Variants in INVS observed in about 807,000 individuals in gnomAD.
The protein encoded by INVS is inversion of embryo turning homolog.
Under a neutral mutation model 108.8 loss-of-function variants are expected in INVS, and 86 were observed. The observed-to-expected ratio is 0.79, with a 90% confidence interval of 0.66 to 0.95. The LOEUF (loss-of-function observed/expected upper bound fraction) is 0.95, where lower values mean the gene tolerates loss of function less well. INVS is among the 40% of genes least tolerant of loss of function. The pLI is 0.00. For synonymous variants in INVS, 455 were observed against 473.5 expected (o/e 0.96, Z 0.51); for missense variants, 1,169 against 1,297.4 (o/e 0.90, Z 1.52).
chr9:100,272,293 C>G (rs1010170309), intron 11 of INVS, among the ~76,000 whole-genome samples: 1 of 152,120 alleles, frequency 6.6e-6, no homozygotes, highest in African/African-American at 2.4e-5. Context: ...TTTGCTCTAT[C>G]CAGAATTTAT....
chr9:100,282,785 C>A (rs933082674), intron 12 of INVS, among the ~76,000 whole-genome samples: 21 of 151,762 alleles, frequency 1.4e-4, no homozygotes, highest in African/African-American at 5.1e-4. Context: ...AATCACATTT[C>A]ATATTGTATG....
chr9:100,142,971 G>C (rs533966574), intron 3 of INVS, among the ~76,000 whole-genome samples: 1 of 152,152 alleles, frequency 6.6e-6, no homozygotes, highest in Non-Finnish European at 1.5e-5. Flanking sequence ...GGGAGAGCAC[G>C]TGTGTTTTTA....
At chr9:100,242,749 A>G (rs993120870) in intron 7 of INVS, 70 bp downstream of exon 7, 14 of 899,732 alleles carry the variant, frequency 1.6e-5, no homozygotes, top group Admixed American at 3.4e-5. Context: ...GTAGATTCAT[A>G]TGTAGTTGTA....
Position 100,302,002 on chromosome 9 carries a change from TC to T in INVS, c.*1330del. 2.2e-6 allele frequency: 1 copy of T among 462,768 alleles called. No individual in the cohort carries two copies. The highest frequency in any genetic ancestry group is 3.1e-5 in the East Asian group (1 of 31,830). 28.7% of individuals were successfully genotyped at this position (462,768 alleles called of 1,614,324 possible). A position where few individuals can be genotyped will look rare whatever the true frequency, so the allele number is the denominator to read the frequency against. ...CCTATGACCATGTATCGTGTGCTAG[TC>T]CGGGAAGCCAGCCTACACATCAATA... On this transcript the variant is annotated 3_prime_UTR_variant, in exon 17 of 17. Coordinates refer to ENST00000262457, the MANE Select transcript of INVS (RefSeq NM_014425.5).
At chr9:100,297,183 A>G (rs370441817) in intron 15 of INVS, 37 bp downstream of exon 15, 47 of 1,510,198 alleles carry the variant, frequency 3.1e-5, no homozygotes, top group Non-Finnish European at 4.0e-5. Context: ...GTTCACAAGT[A>G]CCCCCAGAGT....
At chr9:100,178,588 G>GA (rs1049104921) in intron 3 of INVS, among the ~76,000 whole-genome samples, 1 of 152,024 alleles carries the variant, frequency 6.6e-6, no homozygotes, top group African/African-American at 2.4e-5. Flanking sequence ...CAAGATTAGA[G>GA]AAAAAAAGAA....
chr9:100,265,132 A>G (rs1832750488), intron 11 of INVS, among the ~76,000 whole-genome samples: 1 of 151,934 alleles, frequency 6.6e-6, no homozygotes, highest in Non-Finnish European at 1.5e-5. Flanking sequence ...TTTAGTAGAG[A>G]TGGGGTTTCA....
At chr9:100,278,836 C>T (rs141395276) in intron 12 of INVS, among the ~76,000 whole-genome samples, 12 of 152,306 alleles carry the variant, frequency 7.9e-5, no homozygotes, top group Non-Finnish European at 1.6e-4. Context: ...CTTACATATT[C>T]ATTTTGTTTT....
At chr9:100,205,054 GA>G (rs941580652) in intron 3 of INVS, among the ~76,000 whole-genome samples, 2 of 151,692 alleles carry the variant, frequency 1.3e-5, no homozygotes, top group Admixed American at 6.6e-5. Flanking sequence ...GATGTGGGGT[GA>G]AAAAAAAGTC....
chr9:100,250,460 G>A (rs1832194327), intron 8 of INVS, among the ~76,000 whole-genome samples: 1 of 152,204 alleles, frequency 6.6e-6, no homozygotes, highest in Admixed American at 6.5e-5. Flanking sequence ...ACTCACGCCT[G>A]TCTGAATCTT....
intron 3 of INVS, among the ~76,000 whole-genome samples, chr9:100,149,052 A>G (rs1277417019): frequency 6.7e-6 from 1 of 149,452 alleles, no homozygotes; most frequent in African/African-American, 2.4e-5. Context: ...ACTGTAGCAA[A>G]AAAAAAAAAA....
chr9:100,300,489 TTCC>T (rs1157036143), intron 16 of INVS, 76 bp from the exon 17 acceptor site: 2 of 1,000,796 alleles, frequency 2.0e-6, no homozygotes, highest in African/African-American at 1.6e-5. Context: ...GAAATCCTTC[TTCC>T]TCAACACCAA....
At chr9:100,280,186 G>T (rs893804580) in intron 12 of INVS, among the ~76,000 whole-genome samples, 2 of 152,100 alleles carry the variant, frequency 1.3e-5, no homozygotes, top group Non-Finnish European at 2.9e-5. Context: ...GGCTTTGGGG[G>T]AATATCTCTG....
chr9:100,251,750 T>C (rs1253209409), intron 8 of INVS, among the ~76,000 whole-genome samples: 2 of 152,154 alleles, frequency 1.3e-5, no homozygotes, highest in Admixed American at 1.3e-4. Context: ...GTATTAAAAA[T>C]GCACTCAATG....
chr9:100,121,622 A>G (rs1827728777), intron 2 of INVS, among the ~76,000 whole-genome samples: 1 of 152,080 alleles, frequency 6.6e-6, no homozygotes, highest in African/African-American at 2.4e-5. Flanking sequence ...CTGATTAGAG[A>G]TTTATTAATT....
chr9:100,158,746 T>G (rs1829078941), intron 3 of INVS, among the ~76,000 whole-genome samples: 1 of 152,186 alleles, frequency 6.6e-6, no homozygotes, highest in Non-Finnish European at 1.5e-5. Flanking sequence ...ATTTGTCCCC[T>G]CCAAATCCCG....
chr9:100,193,188 C>T (rs1830276049), intron 3 of INVS, among the ~76,000 whole-genome samples: 2 of 151,958 alleles, frequency 1.3e-5, no homozygotes, highest in South Asian at 2.1e-4. Context: ...CTATGTTGCC[C>T]AGGCTGGTCT....
chr9:100,154,750 T>C (rs1828920806), intron 3 of INVS, among the ~76,000 whole-genome samples: 1 of 152,148 alleles, frequency 6.6e-6, no homozygotes, highest in African/African-American at 2.4e-5. Context: ...TATTTTCTTA[T>C]ATTTTTAAAA....
intron 3 of INVS, among the ~76,000 whole-genome samples, chr9:100,200,112 T>C (rs544283486): frequency 2.2e-4 from 33 of 152,216 alleles, no homozygotes; most frequent in Non-Finnish European, 4.3e-4. Context: ...TCAGATATAG[T>C]ACTTTCCAAT....
Sources: gnomAD v4.1 joint callset for allele counts (sites outside exome capture counted in the v4.1 genomes callset) on GRCh38, gnomAD v4.1.1 for gene constraint, MANE v1.5 for transcripts, NCBI Gene and HGNC (gene_info 2026-07-23, HGNC 2026-07-21) for gene names.